Variants in FARP2 observed in about 807,000 individuals in gnomAD.
FARP2 encodes the protein FERM, ARH/RhoGEF and pleckstrin domain protein 2.
In FARP2, 111 loss-of-function variants were observed where a neutral mutation model predicts 130.5. The observed-to-expected ratio is 0.85, with a 90% confidence interval of 0.73 to 1.00. The LOEUF (loss-of-function observed/expected upper bound fraction) is 1.00, where lower values mean the gene tolerates loss of function less well. FARP2 is among the 50% of genes least tolerant of loss of function. The pLI is 0.00. For missense variants in FARP2, 1,385 were observed against 1,346.3 expected (o/e 1.03, Z -0.45); for synonymous variants, 504 against 516.9 (o/e 0.98, Z 0.34).
At chr2:241,430,627 C>T (rs1339632778) in intron 8 of FARP2, among the ~76,000 whole-genome samples, 1 of 152,152 alleles carries the variant, frequency 6.6e-6, no homozygotes, top group East Asian at 1.9e-4. Context: ...ACTGCCCCTT[C>T]CAGACCACCC....
At chr2:241,484,376 G>C in intron 21 of FARP2, 45 bp downstream of exon 21, 3 of 1,519,828 alleles carry the variant, frequency 2.0e-6, no homozygotes, top group Non-Finnish European at 2.7e-6. Context: ...GTGGTGCTGG[G>C]CTGGGCCCCA....
Position 241,483,516 on chromosome 2 carries a change from C to T in FARP2, c.2314C>T (p.Gln772Ter). 1 of 1,614,162 alleles carries T rather than the reference C, an allele frequency of 6.2e-7. No homozygotes were observed. The highest frequency in any genetic ancestry group is 8.5e-7 in the Non-Finnish European group (1 of 1,179,950). ...LHKLTKKGLQ[Q>*]RMFFLFSDML... ...CAAGCTCACCAAGAAGGGCCTGCAG[C>T]AGAGGATGTTTTTTCTGGTAGGTTC... Residue 772 changes from glutamine (Q) to a stop codon, truncating the protein, a stop_gained, in exon 20 of 27, where the codon CAG becomes TAG. Transcript: ENST00000264042. LOFTEE classifies it high-confidence loss of function.
At chr2:241,471,924 AG>A (rs1381803703) in intron 18 of FARP2, among the ~76,000 whole-genome samples, 3,437 of 150,398 alleles carry the variant, frequency 0.023, 29 homozygotes, top group Admixed American at 0.12. Context: ...CCCTGTTCTG[AG>A]GGGATTATGT....
At chr2:241,377,466 C>T (rs1377660498) in intron 2 of FARP2, among the ~76,000 whole-genome samples, 3 of 152,058 alleles carry the variant, frequency 2.0e-5, no homozygotes, top group Non-Finnish European at 4.4e-5. Context: ...CTCAGCCTCC[C>T]GAGTAGCTGG....
At chr2:241,415,137 T>TA (rs2062632540) in intron 7 of FARP2, among the ~76,000 whole-genome samples, 1 of 152,212 alleles carries the variant, frequency 6.6e-6, no homozygotes, top group African/African-American at 2.4e-5. Flanking sequence ...CTTGTGTGTG[T>TA]AAGTCGGTGC....
intron 24 of FARP2, among the ~76,000 whole-genome samples, chr2:241,492,355 A>G (rs564754203): frequency 1.9e-4 from 29 of 152,278 alleles, no homozygotes; most frequent in Middle Eastern, 3.4e-3. Context: ...TGGCCAGTCC[A>G]GGACACCTGA....
intron 2 of FARP2, among the ~76,000 whole-genome samples, chr2:241,400,953 G>A (rs919261835): frequency 6.6e-6 from 1 of 152,164 alleles, no homozygotes; most frequent in African/African-American, 2.4e-5. Flanking sequence ...CATGTGGAGC[G>A]CTGGCATGCC....
At position 241,489,999 on chromosome 2, in the gene FARP2, GT is replaced by G; in HGVS notation, c.2462del (p.Phe821SerfsTer27). 6.2e-7 allele frequency: 1 copy of G among 1,613,972 alleles called. No individual in the cohort carries two copies. The highest frequency in any genetic ancestry group is 1.1e-5 in the South Asian group (1 of 91,082). The part of the protein sequence containing the change: ...ESDNEWSVPH[C>X]FTIYAAQKTI... ...GATAACGAGTGGTCTGTTCCACACTGTTTCACCATCTACGCGGCTCAGAAAA... is the reference window on the plus strand; with the variant it reads ...GATAACGAGTGGTCTGTTCCACACTGTTCACCATCTACGCGGCTCAGAAAA... On this transcript the variant is annotated frameshift_variant, in exon 22 of 27. Transcript: ENST00000264042. LOFTEE classifies it high-confidence loss of function.
intron 13 of FARP2, among the ~76,000 whole-genome samples, chr2:241,453,440 G>A (rs566712762): frequency 9.6e-4 from 145 of 151,832 alleles, no homozygotes; most frequent in Non-Finnish European, 1.5e-3. Flanking sequence ...GGCTAACATG[G>A]TGAAACCCCG....
chr2:241,403,759 A>G, intron 2 of FARP2, 69 bp from the exon 3 acceptor site: 1 of 899,678 alleles, frequency 1.1e-6, no homozygotes, highest in South Asian at 1.6e-5. Flanking sequence ...AGTTTTATGC[A>G]CAGTTTTCAT....
rs761288895 is a variant in FARP2, at chr2:241,491,145, A to G, written c.2589A>G (p.Ala863=). 4 of 1,613,152 alleles carry G rather than the reference A, an allele frequency of 2.5e-6. No homozygotes were observed. The highest frequency in any genetic ancestry group is 3.4e-6 in the Non-Finnish European group (4 of 1,179,924). ...AAKSGGDTAP[A]LPGRTVCTRP... ...AGAGTGGCGGTGACACGGCCCCTGC[A>G]CTGCCAGGCCGCACTGTGTGCACTC... is the stretch of plus-strand genomic sequence containing the variant. Residue 863 remains alanine, a synonymous_variant, in exon 23 of 27, where the codon GCA becomes GCG. Transcript: ENST00000264042.
intron 8 of FARP2, among the ~76,000 whole-genome samples, chr2:241,429,082 A>G (rs974043193): frequency 1.3e-5 from 2 of 152,232 alleles, no homozygotes; most frequent in Admixed American, 6.5e-5. Context: ...GTAAGAGTAA[A>G]TGTTGGTAAC....
chr2:241,442,370 C>T (rs1373215342), intron 13 of FARP2: 1 of 456,692 alleles, frequency 2.2e-6, no homozygotes, highest in Non-Finnish European at 4.4e-6. Context: ...TCCAGCAGCA[C>T]AGAGTCAGAC....
intron 2 of FARP2, among the ~76,000 whole-genome samples, chr2:241,375,792 T>C (rs1462808625): frequency 6.6e-6 from 1 of 151,892 alleles, no homozygotes; most frequent in Non-Finnish European, 1.5e-5. Flanking sequence ...AGGATCTTGC[T>C]ATGTTCCCCA....
At chr2:241,457,397 G>A (rs2063881140) in intron 14 of FARP2, among the ~76,000 whole-genome samples, 1 of 143,626 alleles carries the variant, frequency 7.0e-6, no homozygotes, top group South Asian at 2.2e-4. Flanking sequence ...ACTGCTTTGG[G>A]TTCCGGAGAG....
rs56030352 is a variant in FARP2 at position 241,409,038 on chromosome 2, T to TGATAGATAGATAGATA, written c.410+1448_410+1463dup. Among the ~76,000 whole-genome samples the TGATAGATAGATAGATA allele has an allele frequency of 7.3e-3, 1,068 of 146,030 alleles. 4 individuals are homozygous for TGATAGATAGATAGATA. The highest frequency in any genetic ancestry group is 8.4e-3 in the Non-Finnish European group (563 of 66,798). ...AAATAGAGATAGATAGATAGATAGA[T>TGATAGATAGATAGATA]GATAGATAGATAGATAGATAGATAG... is the stretch of plus-strand genomic sequence containing the variant. On this transcript the variant is annotated intron_variant, in intron 5 of 26. Coordinates refer to ENST00000264042, the MANE Select transcript of FARP2 (RefSeq NM_014808.4).
chr2:241,363,389 C>T (rs574105185), intron 1 of FARP2, among the ~76,000 whole-genome samples: 1 of 152,304 alleles, frequency 6.6e-6, no homozygotes, highest in African/African-American at 2.4e-5. Context: ...AGGCAAGATG[C>T]AGGCACAAGA....
At chr2:241,447,098 ATTTT>A (rs1041477961) in intron 13 of FARP2, 1 of 152,180 alleles carries the variant, frequency 6.6e-6, no homozygotes, top group African/African-American at 2.4e-5. Flanking sequence ...ACTAATTTAG[ATTTT>A]TTTAAGTGTT....
At position 241,436,526 on chromosome 2, in the gene FARP2, C is replaced by T. The variant is rs764253084; in HGVS notation, c.1146C>T (p.Asp382=). The change falls in exon 12 of 27, where the codon GAC becomes GAT. Residue 382 remains aspartate (D), a synonymous_variant. Transcript: ENST00000264042. ...THTSVRALTA[D]LPKQSISFPE... is the part of the protein sequence containing the mutation. ...CGTCCGTTCGAGCTCTGACTGCAGA[C>T]CTACCAAAACAGGTTAGTCTCTTCC... The T allele has an allele frequency of 1.2e-6, 2 of 1,614,032 alleles. No individual in the cohort carries two copies. The highest frequency in any genetic ancestry group is 1.7e-6 in the Non-Finnish European group (2 of 1,179,986).
Sources: gnomAD v4.1 joint callset for allele counts (sites outside exome capture counted in the v4.1 genomes callset) on GRCh38, gnomAD v4.1.1 for gene constraint, MANE v1.5 for transcripts, NCBI Gene and HGNC (gene_info 2026-07-23, HGNC 2026-07-21) for gene names.